CENPW: variants seen among roughly 807,000 people sequenced by gnomAD.
The protein encoded by CENPW is cancer-up-regulated gene 2 protein.
A neutral mutation model predicts 11.1 loss-of-function variants in CENPW; 3 were observed. The observed-to-expected ratio is 0.27, with a 90% CI of 0.12 to 0.70. CENPW has a LOEUF of 0.70. CENPW is among the 30% of genes least tolerant of loss of function. CENPW has a pLI of 0.77. For synonymous variants in CENPW, 38 were observed against 42.0 expected (o/e 0.91, Z 0.37); for missense variants, 100 against 105.6 (o/e 0.95, Z 0.23).
chr6:126,403,526 G>A, the CENPW span, among the ~76,000 whole-genome samples: 1 of 152,064 alleles, frequency 6.6e-6, no homozygotes, highest in African/African-American at 2.4e-5. Context: ...CCAATCCAGA[G>A]CAAGGCCATA....
the CENPW span, among the ~76,000 whole-genome samples, chr6:126,396,966 C>T: frequency 6.6e-6 from 1 of 151,752 alleles, no homozygotes; most frequent in Non-Finnish European, 1.5e-5. Flanking sequence ...CTGTTCTCTC[C>T]TCAAGCAGAA....
chr6:126,378,942 T>G, the CENPW span, among the ~76,000 whole-genome samples: 6 of 151,936 alleles, frequency 3.9e-5, no homozygotes, highest in Non-Finnish European at 8.8e-5. Context: ...AATTTAACCT[T>G]CTATTGCATA....
At chr6:126,456,989 C>T in the CENPW span, among the ~76,000 whole-genome samples, 3 of 151,342 alleles carry the variant, frequency 2.0e-5, no homozygotes, top group South Asian at 4.2e-4. Context: ...AAACCACAAA[C>T]GTGATACCAT....
chr6:126,393,768 TG>T, the CENPW span, among the ~76,000 whole-genome samples: 1 of 149,414 alleles, frequency 6.7e-6, no homozygotes, highest in African/African-American at 2.4e-5. Context: ...AAATTATATG[TG>T]GATATATATT....
the CENPW span, among the ~76,000 whole-genome samples, chr6:126,417,961 T>C: frequency 6.6e-6 from 1 of 152,168 alleles, no homozygotes; most frequent in South Asian, 2.1e-4. Flanking sequence ...GACATTTCTC[T>C]AAAGAAAATA....
the CENPW span, among the ~76,000 whole-genome samples, chr6:126,425,703 G>A: frequency 6.6e-6 from 1 of 151,538 alleles, no homozygotes; most frequent in Non-Finnish European, 1.5e-5. Flanking sequence ...TCTTTGTAAG[G>A]TATATAAAAG....
chr6:126,412,352 C>T, the CENPW span, among the ~76,000 whole-genome samples: 1 of 151,722 alleles, frequency 6.6e-6, no homozygotes, highest in African/African-American at 2.4e-5. Flanking sequence ...TTATTATTTT[C>T]TCCCAGCAAC....
chr6:126,480,646 A>G, the CENPW span, among the ~76,000 whole-genome samples: 3 of 152,002 alleles, frequency 2.0e-5, no homozygotes, highest in East Asian at 3.9e-4. Flanking sequence ...AAACATCCCA[A>G]AATGCTGGAG....
At chr6:126,370,848 G>A in the CENPW span, among the ~76,000 whole-genome samples, 1 of 151,838 alleles carries the variant, frequency 6.6e-6, no homozygotes, top group Non-Finnish European at 1.5e-5. Context: ...CGCCTCCCAG[G>A]TTCAAGTGAT....
chr6:126,467,517 C>G, the CENPW span, among the ~76,000 whole-genome samples: 26 of 152,086 alleles, frequency 1.7e-4, no homozygotes, highest in African/African-American at 6.3e-4. Context: ...GAAACAAGAG[C>G]CTACTGAAAA....
the CENPW span, among the ~76,000 whole-genome samples, chr6:126,354,461 G>C: frequency 2.0e-5 from 3 of 152,014 alleles, no homozygotes; most frequent in Admixed American, 6.6e-5. Context: ...AAGTAATTGC[G>C]ATTTTTGCCA....
chr6:126,408,895 G>T, the CENPW span, among the ~76,000 whole-genome samples: 1 of 151,462 alleles, frequency 6.6e-6, no homozygotes, highest in Non-Finnish European at 1.5e-5. Context: ...TGTCAATGTC[G>T]TTTATGTTTT....
At chr6:126,434,210 T>C in the CENPW span, among the ~76,000 whole-genome samples, 5 of 152,094 alleles carry the variant, frequency 3.3e-5, no homozygotes, top group Admixed American at 2.0e-4. Flanking sequence ...CTTTTTTGAA[T>C]GGTAGTTTGC....
chr6:126,372,748 C>T, the CENPW span, among the ~76,000 whole-genome samples: 11 of 152,120 alleles, frequency 7.2e-5, no homozygotes, highest in Admixed American at 2.6e-4. Flanking sequence ...GTTATAATGT[C>T]TAGCCAAAAG....
chr6:126,370,249 G>A, the CENPW span, among the ~76,000 whole-genome samples: 30 of 152,132 alleles, frequency 2.0e-4, no homozygotes, highest in African/African-American at 4.1e-4. Context: ...CTTTGGCTGC[G>A]TGGGATTTTT....
At chr6:126,460,546 T>G in the CENPW span, among the ~76,000 whole-genome samples, 4 of 151,806 alleles carry the variant, frequency 2.6e-5, no homozygotes, top group African/African-American at 9.7e-5. Context: ...AAAAGTGCCA[T>G]GATTCTCCCT....
the CENPW span, among the ~76,000 whole-genome samples, chr6:126,416,042 T>C: frequency 6.6e-6 from 1 of 152,274 alleles, no homozygotes; most frequent in East Asian, 1.9e-4. Context: ...AGTTGGGAAC[T>C]CCCTAGAGAC....
At chr6:126,462,530 TCTCA>T in the CENPW span, among the ~76,000 whole-genome samples, 785 of 143,916 alleles carry the variant, frequency 5.5e-3, 3 homozygotes, top group African/African-American at 0.012. Flanking sequence ...TCTCTCTCTC[TCTCA>T]CACACACACA....
At chr6:126,482,613 C>T in the CENPW span, among the ~76,000 whole-genome samples, 1 of 151,854 alleles carries the variant, frequency 6.6e-6, no homozygotes, top group Non-Finnish European at 1.5e-5. Flanking sequence ...AAAAAGACAT[C>T]CTTTATACAT....
Sources: gnomAD v4.1 joint callset for allele counts (sites outside exome capture counted in the v4.1 genomes callset) on GRCh38, gnomAD v4.1.1 for gene constraint, MANE v1.5 for transcripts, NCBI Gene and HGNC (gene_info 2026-07-23, HGNC 2026-07-21) for gene names.